DMD: variants seen among roughly 807,000 people sequenced by gnomAD.
DMD encodes mutant dystrophin.
A neutral mutation model predicts 330.1 loss-of-function variants in DMD; 63 were observed. The observed-to-expected ratio is 0.19, with a 90% CI of 0.16 to 0.24. The LOEUF (loss-of-function observed/expected upper bound fraction) is 0.24, where lower values mean the gene tolerates loss of function less well. Among genes scored for constraint, DMD ranks in the 10% least tolerant of loss-of-function variants. DMD has a pLI of 1.00. For synonymous variants in DMD, 1,223 were observed against 959.8 expected (o/e 1.27, Z -5.07); for missense variants, 3,344 against 2,684.1 (o/e 1.25, Z -5.43).
chrX:31,255,124 A>C (rs2049804832), intron 63 of DMD, among the ~76,000 whole-genome samples: 1 of 111,082 alleles, frequency 9.0e-6, no homozygotes, highest in Non-Finnish European at 1.9e-5. Context: ...GCTTTTTAAA[A>C]AATATTTTCT....
intron 63 of DMD, among the ~76,000 whole-genome samples, chrX:31,231,432 T>C (rs756873714): frequency 9.7e-4 from 109 of 112,231 alleles, no homozygotes; most frequent in African/African-American, 3.5e-3. Flanking sequence ...GACATTCATC[T>C]ATCCATAATC....
At chrX:33,086,943 G>A (rs950468716) in intron 1 of DMD, among the ~76,000 whole-genome samples, 4 of 110,858 alleles carry the variant, frequency 3.6e-5, no homozygotes, top group South Asian at 3.7e-4. Context: ...GAATGCGAAG[G>A]TAGAATGCAG....
intron 10 of DMD, 92 bp downstream of exon 10, chrX:32,644,872 A>G (rs1414052566): frequency 6.4e-5 from 67 of 1,051,939 alleles, no homozygotes; most frequent in Non-Finnish European, 7.7e-5. Context: ...TTTCCAAAAT[A>G]CAAGGATGTA....
At chrX:31,711,260 T>A (rs1367056937) in intron 52 of DMD, among the ~76,000 whole-genome samples, 2 of 111,295 alleles carry the variant, frequency 1.8e-5, no homozygotes, top group Non-Finnish European at 3.8e-5. Flanking sequence ...TCTGAAAACA[T>A]GCTGAAAACA....
chrX:32,732,020 T>C (rs1469699709), intron 7 of DMD, among the ~76,000 whole-genome samples: 1 of 110,769 alleles, frequency 9.0e-6, no homozygotes, highest in African/African-American at 3.3e-5. Flanking sequence ...TTGAAAAACA[T>C]TTAGAAGAAT....
intron 9 of DMD, among the ~76,000 whole-genome samples, chrX:32,680,542 A>G (rs967548532): frequency 2.7e-5 from 3 of 111,662 alleles, no homozygotes; most frequent in Non-Finnish European, 5.6e-5. Flanking sequence ...AATAATTCTT[A>G]TGCTTTAATT....
chrX:33,142,706 T>C, intron 1 of DMD, among the ~76,000 whole-genome samples: 1 of 112,492 alleles, frequency 8.9e-6, no homozygotes, highest in East Asian at 2.8e-4. Flanking sequence ...ATAAAGATTA[T>C]TGTAAATTAA....
intron 45 of DMD, among the ~76,000 whole-genome samples, chrX:31,945,711 G>A (rs893080323): frequency 9.0e-6 from 1 of 111,645 alleles, no homozygotes; most frequent in Non-Finnish European, 1.9e-5. Flanking sequence ...TGTTAGGAGA[G>A]TACTCCTTTT....
chrX:32,287,763 AT>A, intron 42 of DMD, 62 bp from the exon 43 acceptor site: 4 of 588,852 alleles, frequency 6.8e-6, no homozygotes, highest in Non-Finnish European at 9.5e-6. Context: ...AAAGAGAAAA[AT>A]ATATATATAT....
chrX:31,385,669 C>G (rs2060411779), intron 60 of DMD, among the ~76,000 whole-genome samples: 1 of 112,080 alleles, frequency 8.9e-6, no homozygotes, highest in African/African-American at 3.2e-5. Context: ...CAAATCAAAA[C>G]CACAATGAGG....
chrX:32,471,763 C>T (rs1046926437), intron 22 of DMD, among the ~76,000 whole-genome samples: 3 of 111,760 alleles, frequency 2.7e-5, no homozygotes, highest in African/African-American at 3.3e-5. Flanking sequence ...CCTGGAACCA[C>T]TTCCCCATGG....
chrX:33,166,085 T>C (rs921181310), intron 1 of DMD, among the ~76,000 whole-genome samples: 1 of 111,398 alleles, frequency 9.0e-6, no homozygotes, highest in Admixed American at 9.6e-5. Context: ...AGGTGCTCAG[T>C]GTGGGAAATC....
intron 51 of DMD, among the ~76,000 whole-genome samples, chrX:31,731,182 C>T (rs2086478005): frequency 9.0e-6 from 1 of 111,531 alleles, no homozygotes; most frequent in African/African-American, 3.3e-5. Context: ...TGTGATTGCT[C>T]AGAAAAAAAA....
At chrX:32,054,812 C>G (rs1249813937) in intron 44 of DMD, among the ~76,000 whole-genome samples, 1 of 85,766 alleles carries the variant, frequency 1.2e-5, no homozygotes, top group Non-Finnish European at 2.2e-5. Context: ...AACTCTTTCT[C>G]TAATGTGTGA....
chrX:32,954,788 C>A (rs1046176832), intron 2 of DMD, among the ~76,000 whole-genome samples: 1 of 111,178 alleles, frequency 9.0e-6, no homozygotes, highest in East Asian at 2.8e-4. Flanking sequence ...TGAGAAGACA[C>A]AGTATTTGAT....
intron 47 of DMD, among the ~76,000 whole-genome samples, chrX:31,888,705 A>G (rs1313916731): frequency 8.9e-6 from 1 of 111,921 alleles, no homozygotes; most frequent in African/African-American, 3.2e-5. Flanking sequence ...CTAGGAGGTC[A>G]TTTATTTTCT....
At chrX:32,623,526 GTA>G (rs1228001541) in intron 11 of DMD, among the ~76,000 whole-genome samples, 3 of 104,414 alleles carry the variant, frequency 2.9e-5, no homozygotes, top group Non-Finnish European at 5.9e-5. Flanking sequence ...TATAATACTA[GTA>G]TTTTTTTTTT....
At chrX:32,554,735 T>C (rs5971640) in intron 16 of DMD, among the ~76,000 whole-genome samples, 28 of 97,721 alleles carry the variant, frequency 2.9e-4, no homozygotes, top group Non-Finnish European at 4.9e-4. Context: ...TCCAAAAAAA[T>C]TGAAAAGAAG....
intron 25 of DMD, among the ~76,000 whole-genome samples, chrX:32,458,225 T>G (rs1432579876): frequency 9.0e-6 from 1 of 110,972 alleles, no homozygotes; most frequent in Non-Finnish European, 1.9e-5. Flanking sequence ...ACACTGTGCC[T>G]TTCCATCCAC....
Sources: allele counts gnomAD v4.1 joint callset (sites outside exome capture counted in the v4.1 genomes callset), GRCh38; gene constraint gnomAD v4.1.1; transcripts MANE v1.5; gene names NCBI Gene and HGNC (gene_info 2026-07-23, HGNC 2026-07-21).